Variants in UBAC2 observed in about 807,000 individuals in gnomAD.
The protein encoded by UBAC2 is UBA domain containing 2.
In UBAC2, 26 loss-of-function variants were observed where a neutral mutation model predicts 44.0. The observed-to-expected ratio is 0.59, with a 90% CI of 0.43 to 0.82. The LOEUF is 0.82. UBAC2 is among the 40% of genes least tolerant of loss of function. The pLI is 0.00. For missense variants in UBAC2, 329 were observed against 419.4 expected (o/e 0.78, Z 1.88); for synonymous variants, 155 against 154.3 (o/e 1.00, Z -0.04).
At chr13:99,286,727 A>G (rs964166621) in intron 4 of UBAC2, among the ~76,000 whole-genome samples, 1 of 152,100 alleles carries the variant, frequency 6.6e-6, no homozygotes, top group Non-Finnish European at 1.5e-5. Context: ...TTCAATGTTT[A>G]GCTCCCACTT....
At chr13:99,342,754 C>A (rs547166037) in intron 7 of UBAC2, among the ~76,000 whole-genome samples, 2 of 152,206 alleles carry the variant, frequency 1.3e-5, no homozygotes. Flanking sequence ...TCCCTCCCTT[C>A]CAGTCCCCTG....
At chr13:99,313,800 A>C (rs2044447602) in intron 4 of UBAC2, among the ~76,000 whole-genome samples, 1 of 152,226 alleles carries the variant, frequency 6.6e-6, no homozygotes, top group Non-Finnish European at 1.5e-5. Flanking sequence ...ATTAGATTTT[A>C]GTAATACCTG....
At position 99,339,805 on chromosome 13, in the gene UBAC2, T is replaced by C. The variant is rs116040737; in HGVS notation, c.562-515T>C. 1.4e-3 allele frequency among the ~76,000 whole-genome samples: 214 copies of C among 152,284 alleles called. 2 individuals carry two copies. The highest frequency in any genetic ancestry group is 4.9e-3 in the African/African-American group (202 of 41,550). ...TGAGGATTTTAAATGTCTAGAAAAA[T>C]CAGTAGTTGAAAAACTGATTAAAAC... On this transcript the variant is annotated intron_variant, in intron 6 of 8. Coordinates refer to ENST00000403766, the MANE Select transcript of UBAC2 (RefSeq NM_001144072.2).
At chr13:99,210,564 G>C (rs1161775465) in intron 1 of UBAC2, among the ~76,000 whole-genome samples, 2 of 143,400 alleles carry the variant, frequency 1.4e-5, no homozygotes, top group East Asian at 2.2e-4. Flanking sequence ...TGCAACCTCC[G>C]CCTCCTGGGT....
At chr13:99,286,934 A>G (rs1296220904) in intron 4 of UBAC2, among the ~76,000 whole-genome samples, 1 of 152,150 alleles carries the variant, frequency 6.6e-6, no homozygotes, top group Non-Finnish European at 1.5e-5. Flanking sequence ...TTCTGAATCC[A>G]TCCCTGAATT....
intron 8 of UBAC2, among the ~76,000 whole-genome samples, chr13:99,376,046 G>A (rs1233170849): frequency 1.3e-5 from 2 of 150,772 alleles, no homozygotes; most frequent in Non-Finnish European, 2.9e-5. Context: ...TTATCTTGAG[G>A]TAGTAGGCAC....
chr13:99,266,407 G>A lies in UBAC2; in HGVS notation c.389+21783G>A, dbSNP rs1329873875. On this transcript the variant is annotated intron_variant, in intron 4 of 8. Coordinates refer to ENST00000403766, the MANE Select transcript of UBAC2 (RefSeq NM_001144072.2). The stretch of plus-strand genomic sequence containing the variant: ...AAAACTCATAATATTTTAAGAAAGT[G>A]TACTAATTTGTGTTGGACTGCATTC... 2.0e-5 allele frequency among the ~76,000 whole-genome samples: 3 copies of A among 151,994 alleles called. No homozygotes were observed. The East Asian group carries it at 5.8e-4, about 29-fold the overall frequency.
At position 99,209,607 on chromosome 13, in the gene UBAC2, G is replaced by A. The variant is rs370593541; in HGVS notation, c.31+8668G>A. On this transcript the variant is annotated intron_variant, in intron 1 of 8. Transcript: ENST00000403766. Reference sequence around the variant, plus strand: ...ACCTGAACAGCTCGTTTACTCTTGGGGACACACTCTTCCCCACCAGTCTTA... The same window carrying A: ...ACCTGAACAGCTCGTTTACTCTTGGAGACACACTCTTCCCCACCAGTCTTA... 1.4e-3 allele frequency among the ~76,000 whole-genome samples: 210 copies of A among 152,040 alleles called. 2 individuals are homozygous for A. The highest frequency in any genetic ancestry group is 4.9e-3 in the African/African-American group (205 of 41,436).
intron 4 of UBAC2, chr13:99,255,516 T>C (rs758696917): frequency 1.5e-5 from 24 of 1,614,196 alleles, no homozygotes; most frequent in Non-Finnish European, 2.0e-5. Context: ...TGGCCATGTA[T>C]CTGTCAGCAC....
At chr13:99,210,215 T>G (rs929613619) in intron 1 of UBAC2, among the ~76,000 whole-genome samples, 1 of 152,176 alleles carries the variant, frequency 6.6e-6, no homozygotes, top group Non-Finnish European at 1.5e-5. Context: ...TGTTATAAAA[T>G]GAGTACGTGT....
At position 99,287,725 on chromosome 13, in the gene UBAC2, G is replaced by A. The variant is rs1442475982; in HGVS notation, c.390-26372G>A. Reference sequence around the variant, plus strand: ...ATCTCCAATTCCTGGGCTCAAGTGAGCCTCCTGTCTCAGCCTGCCAAAGTG... The same window carrying A: ...ATCTCCAATTCCTGGGCTCAAGTGAACCTCCTGTCTCAGCCTGCCAAAGTG... On this transcript the variant is annotated intron_variant, in intron 4 of 8. Transcript: ENST00000403766. 3.4e-5 allele frequency among the ~76,000 whole-genome samples: 5 copies of A among 145,312 alleles called. No homozygotes were observed. In the South Asian group the frequency reaches 8.6e-4, roughly 25 times the overall value.
chr13:99,214,544 G>A (rs537464458), intron 1 of UBAC2, among the ~76,000 whole-genome samples: 68 of 152,260 alleles, frequency 4.5e-4, no homozygotes, highest in African/African-American at 1.5e-3. Context: ...CCCTGCAGTC[G>A]TCAAAGGGTG....
At position 99,349,207 on chromosome 13, in the gene UBAC2, C is replaced by T. The variant is rs556781705; in HGVS notation, c.807+8642C>T. 4.6e-5 allele frequency among the ~76,000 whole-genome samples: 7 copies of T among 152,298 alleles called. No individual in the cohort carries two copies. The East Asian group carries it at 1.4e-3, about 29-fold the overall frequency. ...TGCAACCTGAGTCTCCACAGCTTCA[C>T]GGTGCATGTCTCCCTCCCTTTGCTC... On this transcript the variant is annotated intron_variant, in intron 7 of 8. Coordinates refer to ENST00000403766, the MANE Select transcript of UBAC2 (RefSeq NM_001144072.2).
At chr13:99,360,567 G>A (rs932257190) in intron 7 of UBAC2, among the ~76,000 whole-genome samples, 5 of 152,248 alleles carry the variant, frequency 3.3e-5, no homozygotes, top group South Asian at 2.1e-4. Context: ...TCCCTCTGCC[G>A]TTATTCCTTA....
chr13:99,323,407 C>A (rs7139522), intron 6 of UBAC2, among the ~76,000 whole-genome samples: 69,443 of 152,046 alleles, frequency 0.46, 18,162 homozygotes, highest in Non-Finnish European at 0.6. Flanking sequence ...TCAACACCAG[C>A]CTGGCCAACA....
Position 99,236,667 on chromosome 13 carries a change from T to G in UBAC2, c.32-1760T>G, listed in dbSNP as rs182892655. Among the ~76,000 whole-genome samples the G allele has an allele frequency of 8.3e-3, 1,260 of 152,186 alleles. 20 individuals are homozygous for G. Among genetic ancestry groups the G allele is most frequent in the African/African-American group, 0.029 (1,196 of 41,498 alleles). Reference sequence around the variant, plus strand: ...GAGTTCAAGACCAGCCTGGCCAACTTGGTGAAACCCCGTCTCTACTAAAAA... The same window carrying G: ...GAGTTCAAGACCAGCCTGGCCAACTGGGTGAAACCCCGTCTCTACTAAAAA... On this transcript the variant is annotated intron_variant, in intron 1 of 8. Coordinates refer to ENST00000403766, the MANE Select transcript of UBAC2 (RefSeq NM_001144072.2).
intron 1 of UBAC2, chr13:99,201,197 G>A (rs1410566914): frequency 7.0e-7 from 1 of 1,419,804 alleles, no homozygotes; most frequent in Admixed American, 3.0e-5. Context: ...GCTCTGCCCA[G>A]GAGTCTCTTG....
intron 1 of UBAC2, among the ~76,000 whole-genome samples, chr13:99,212,800 A>G (rs556769339): frequency 6.6e-6 from 1 of 152,340 alleles, no homozygotes; most frequent in African/African-American, 2.4e-5. Flanking sequence ...CAGCCTATCT[A>G]CAGTTTCATA....
rs146806412 is a variant in UBAC2, at chr13:99,270,538, A to G, written c.389+25914A>G. On this transcript the variant is annotated intron_variant, in intron 4 of 8. Coordinates refer to ENST00000403766, the MANE Select transcript of UBAC2 (RefSeq NM_001144072.2). ...TACTACTTTTTACATTTCTATATCAATGTCCAAGATTATAGTGGTATCAAC... is the reference window on the plus strand; with the variant it reads ...TACTACTTTTTACATTTCTATATCAGTGTCCAAGATTATAGTGGTATCAAC... Among the ~76,000 whole-genome samples the G allele has an allele frequency of 3.2e-3, 494 of 152,316 alleles. 1 individual carries two copies. Among genetic ancestry groups the G allele is most frequent in the African/African-American group, 9.9e-3 (413 of 41,576 alleles).
Sources: gnomAD v4.1 joint callset for allele counts (sites outside exome capture counted in the v4.1 genomes callset) on GRCh38, gnomAD v4.1.1 for gene constraint, MANE v1.5 for transcripts, NCBI Gene and HGNC (gene_info 2026-07-23, HGNC 2026-07-21) for gene names.